Variants in UTRN observed in about 807,000 individuals in gnomAD.
The protein encoded by UTRN is utrophin.
Under a neutral mutation model 463.9 loss-of-function variants are expected in UTRN, and 283 were observed. That is an observed-to-expected ratio of 0.61 (90% CI 0.55 to 0.67). The LOEUF (loss-of-function observed/expected upper bound fraction) is 0.67, where lower values mean the gene tolerates loss of function less well. UTRN is among the 30% of genes least tolerant of loss of function. The pLI, the probability that UTRN is intolerant of heterozygous loss-of-function variation, is 0.00. For missense variants in UTRN, 3,922 were observed against 4,084.3 expected (o/e 0.96, Z 1.08); for synonymous variants, 1,442 against 1,431.5 (o/e 1.01, Z -0.17).
chr6:144,315,764 A>G (rs1362437142), intron 2 of UTRN, among the ~76,000 whole-genome samples: 1 of 152,200 alleles, frequency 6.6e-6, no homozygotes, highest in Non-Finnish European at 1.5e-5. Context: ...TGCAGTGGAC[A>G]GATTTCAGGC....
At chr6:144,369,001 T>C (rs1257139201) in intron 2 of UTRN, among the ~76,000 whole-genome samples, 1 of 152,220 alleles carries the variant, frequency 6.6e-6, no homozygotes, top group Non-Finnish European at 1.5e-5. Flanking sequence ...TAGAATTCTC[T>C]TAAGATAGTG....
At chr6:144,309,428 C>T (rs1806047229) in intron 2 of UTRN, among the ~76,000 whole-genome samples, 1 of 152,214 alleles carries the variant, frequency 6.6e-6, no homozygotes, top group African/African-American at 2.4e-5. Flanking sequence ...CAAAGCTGAT[C>T]CCACAGTCTT....
chr6:144,615,230 A>T (rs1347238740), intron 51 of UTRN, among the ~76,000 whole-genome samples: 1 of 152,172 alleles, frequency 6.6e-6, no homozygotes, highest in Admixed American at 6.6e-5. Context: ...ATAAAATGAC[A>T]CACTTCTCAA....
chr6:144,811,088 G>T (rs947019139), intron 65 of UTRN, among the ~76,000 whole-genome samples: 1 of 151,894 alleles, frequency 6.6e-6, no homozygotes, highest in Non-Finnish European at 1.5e-5. Flanking sequence ...TCGAATTTCT[G>T]TTTTAAAAGA....
At chr6:144,489,239 C>T (rs931101443) in intron 30 of UTRN, among the ~76,000 whole-genome samples, 41 of 152,066 alleles carry the variant, frequency 2.7e-4, no homozygotes, top group Middle Eastern at 3.4e-3. Context: ...TTAGTAGAGA[C>T]GGGGTTTCGC....
At chr6:144,568,090 A>T (rs192060035) in intron 50 of UTRN, among the ~76,000 whole-genome samples, 258 of 152,108 alleles carry the variant, frequency 1.7e-3, no homozygotes, top group African/African-American at 5.9e-3. Context: ...GTTTACATTT[A>T]AAAAAAATCC....
intron 25 of UTRN, among the ~76,000 whole-genome samples, chr6:144,477,981 A>G (rs1031868433): frequency 6.6e-6 from 1 of 152,196 alleles, no homozygotes; most frequent in African/African-American, 2.4e-5. Context: ...AGGAATAAAT[A>G]TATGGGAAAT....
At chr6:144,847,407 T>C (rs1016707377) in intron 74 of UTRN, among the ~76,000 whole-genome samples, 2 of 152,144 alleles carry the variant, frequency 1.3e-5, no homozygotes, top group Non-Finnish European at 2.9e-5. Flanking sequence ...GTTTTTTTGT[T>C]TTGTTTTGTT....
intron 50 of UTRN, among the ~76,000 whole-genome samples, chr6:144,561,264 T>C (rs12211779): frequency 0.34 from 33,990 of 98,606 alleles, 6,644 homozygotes; most frequent in African/African-American, 0.51. Context: ...TATATATACA[T>C]ACACACACAC....
intron 41 of UTRN, 52 bp downstream of exon 41, chr6:144,523,240 T>C: frequency 7.2e-7 from 1 of 1,386,170 alleles, no homozygotes; most frequent in Non-Finnish European, 9.6e-7. Flanking sequence ...TGCAAGTTCA[T>C]GGGCGTGAAG....
At chr6:144,574,780 C>T (rs1158271308) in intron 50 of UTRN, among the ~76,000 whole-genome samples, 2 of 152,134 alleles carry the variant, frequency 1.3e-5, no homozygotes, top group Non-Finnish European at 2.9e-5. Flanking sequence ...AGGAATTTCA[C>T]TATGTTGTCC....
chr6:144,698,913 A>C (rs1390330221), intron 52 of UTRN, among the ~76,000 whole-genome samples: 5 of 152,238 alleles, frequency 3.3e-5, no homozygotes, highest in Admixed American at 1.3e-4. Flanking sequence ...CCTCACCTTT[A>C]AATGAGAGTA....
At chr6:144,842,454 A>C (rs1479237581) in intron 73 of UTRN, among the ~76,000 whole-genome samples, 6 of 151,654 alleles carry the variant, frequency 4.0e-5, no homozygotes. Flanking sequence ...ATGGTGGCAC[A>C]AGCCTGTAGT....
chr6:144,541,085 A>T (rs1258802540), intron 45 of UTRN, among the ~76,000 whole-genome samples: 1 of 152,192 alleles, frequency 6.6e-6, no homozygotes, highest in African/African-American at 2.4e-5. Flanking sequence ...GCCCTTTGTT[A>T]TTCTGTTCTA....
chr6:144,849,751 G>T (rs1413366439), intron 74 of UTRN, among the ~76,000 whole-genome samples: 1 of 152,128 alleles, frequency 6.6e-6, no homozygotes, highest in Non-Finnish European at 1.5e-5. Flanking sequence ...GAGCAGTATT[G>T]TGTGTCCAAT....
intron 54 of UTRN, among the ~76,000 whole-genome samples, chr6:144,735,916 GA>G (rs150094560): frequency 0.019 from 2,734 of 147,628 alleles, 70 homozygotes; most frequent in African/African-American, 0.061. Flanking sequence ...AAGATACACA[GA>G]AAAAAAAAAT....
At chr6:144,493,125 A>T (rs1247309346) in intron 32 of UTRN, among the ~76,000 whole-genome samples, 176 bp from the exon 33 acceptor site, 2 of 152,236 alleles carry the variant, frequency 1.3e-5, no homozygotes, top group Non-Finnish European at 2.9e-5. Context: ...AGAAGTTATT[A>T]CAAGCTTGAT....
intron 52 of UTRN, among the ~76,000 whole-genome samples, chr6:144,681,649 G>A (rs549117992): frequency 1.3e-5 from 2 of 152,000 alleles, no homozygotes; most frequent in African/African-American, 4.8e-5. Flanking sequence ...AAAGAACTGA[G>A]TCTACTCAGT....
At chr6:144,371,514 C>G (rs1225181006) in intron 2 of UTRN, among the ~76,000 whole-genome samples, 1 of 152,196 alleles carries the variant, frequency 6.6e-6, no homozygotes, top group Non-Finnish European at 1.5e-5. Context: ...CAGGTTCAAG[C>G]AATTCTCCTG....
Sources: gnomAD v4.1 joint callset for allele counts (sites outside exome capture counted in the v4.1 genomes callset) on GRCh38, gnomAD v4.1.1 for gene constraint, MANE v1.5 for transcripts, NCBI Gene and HGNC (gene_info 2026-07-23, HGNC 2026-07-21) for gene names.